The following N4BP2 variants were observed in gnomAD, a reference collection of about 807,000 sequenced individuals.
N4BP2 encodes the protein NEDD4 binding protein 2.
N4BP2 carries 91 observed loss-of-function variants against 152.8 expected under a neutral mutation model. That is an observed-to-expected ratio of 0.60 (90% CI 0.50 to 0.71). The LOEUF (loss-of-function observed/expected upper bound fraction) is 0.71, where lower values mean the gene tolerates loss of function less well. N4BP2 is among the 30% of genes least tolerant of loss of function. N4BP2 has a pLI of 0.00. For synonymous variants in N4BP2, 646 were observed against 705.3 expected, an observed-to-expected ratio of 0.92 and a Z score of 1.33; for missense variants, 1,923 against 2,059.1, an observed-to-expected ratio of 0.93 and a Z score of 1.28.
At chr4:40,159,628 T>TC (rs1416248705), downstream of N4BP2, among the ~76,000 whole-genome samples, 1 of 152,136 alleles carries the variant, frequency 6.6e-6, no homozygotes, top group East Asian at 1.9e-4. Context: ...TCTACTTACG[T>TC]CCTATTGACC....
chr4:40,090,180 T>G (rs956569093), intron 2 of N4BP2, among the ~76,000 whole-genome samples: 40 of 152,292 alleles, frequency 2.6e-4, no homozygotes, highest in African/African-American at 9.1e-4. Flanking sequence ...TAGTTTTGAT[T>G]AGTGTAGCCA....
At chr4:40,162,724 A>G (rs1009473794), downstream of N4BP2, among the ~76,000 whole-genome samples, 6 of 152,200 alleles carry the variant, frequency 3.9e-5, no homozygotes, top group African/African-American at 1.4e-4. Context: ...TGTATGTATT[A>G]GGGTTCTCCA....
intron 14 of N4BP2, among the ~76,000 whole-genome samples, chr4:40,141,370 C>T (rs6834460): frequency 0.29 from 42,920 of 146,524 alleles, 6,250 homozygotes; most frequent in South Asian, 0.48. Context: ...ACTTCTCAGA[C>T]GGGGCAGCCG....
At chr4:40,057,773 GT>G (rs3070962) in intron 1 of N4BP2, among the ~76,000 whole-genome samples, 20,833 of 150,252 alleles carry the variant, frequency 0.14, 1,916 homozygotes, top group East Asian at 0.45. Context: ...GGTTAAAATA[GT>G]TTTTTTTTTC....
the N4BP2 span, chr4:40,167,033 T>C: frequency 2.0e-5 from 3 of 152,252 alleles, no homozygotes; most frequent in African/African-American, 7.2e-5. Context: ...GAGTGAATTA[T>C]TCAGTGTACA....
intron 2 of N4BP2, among the ~76,000 whole-genome samples, chr4:40,082,131 T>C (rs1713437498): frequency 6.6e-6 from 1 of 151,492 alleles, no homozygotes; most frequent in East Asian, 1.9e-4. Context: ...ACAAAATAAA[T>C]TGGGTGTGGT....
chr4:40,117,825 A>G, intron 7 of N4BP2, 44 bp from the exon 8 acceptor site: 2 of 1,515,654 alleles, frequency 1.3e-6, no homozygotes, highest in Non-Finnish European at 1.8e-6. Context: ...TAAAAACTTA[A>G]TTATCAATAT....
intron 2 of N4BP2, among the ~76,000 whole-genome samples, chr4:40,080,459 T>C (rs938603546): frequency 1.3e-5 from 2 of 151,518 alleles, no homozygotes; most frequent in African/African-American, 4.8e-5. Context: ...GCAATTCCCC[T>C]GCCTCTGTCT....
At position 40,095,057 on chromosome 4, in the gene N4BP2, C is replaced by T. The variant is rs145109339; in HGVS notation, c.-114-2170C>T. 2.9e-3 allele frequency among the ~76,000 whole-genome samples: 444 copies of T among 150,946 alleles called. 6 individuals are homozygous for T. The highest frequency in any genetic ancestry group is 0.01 in the African/African-American group (419 of 41,136). ...GTCCAACGTGCTGGGATTACAGTCGCGAGCCCCTGAGTCTGGCCAGGGTTA... is the reference window on the plus strand; with the variant it reads ...GTCCAACGTGCTGGGATTACAGTCGTGAGCCCCTGAGTCTGGCCAGGGTTA... On this transcript the variant is annotated intron_variant, in intron 2 of 17. Coordinates refer to ENST00000261435, the MANE Select transcript of N4BP2 (RefSeq NM_018177.6).
chr4:40,066,089 C>T (rs369730527), intron 1 of N4BP2, among the ~76,000 whole-genome samples: 2 of 151,960 alleles, frequency 1.3e-5, no homozygotes, highest in East Asian at 1.9e-4. Context: ...CGCCACCACA[C>T]CCAGCTAATT....
chr4:40,146,164 AAAATAAAT>A (rs554299570), intron 16 of N4BP2, among the ~76,000 whole-genome samples: 3 of 151,760 alleles, frequency 2.0e-5, no homozygotes, highest in Non-Finnish European at 2.9e-5. Context: ...CTCTTTCTCA[AAAATAAAT>A]AAATAAATAA....
intron 13 of N4BP2, among the ~76,000 whole-genome samples, chr4:40,136,635 G>C (rs892347095): frequency 6.6e-6 from 1 of 152,102 alleles, no homozygotes; most frequent in Non-Finnish European, 1.5e-5. Flanking sequence ...TGATCCACCC[G>C]CCTCGGCCCC....
intron 2 of N4BP2, among the ~76,000 whole-genome samples, chr4:40,084,913 C>CT (rs569261971): frequency 0.022 from 2,607 of 120,984 alleles, 71 homozygotes; most frequent in African/African-American, 0.044. Flanking sequence ...CAGCGCCTGG[C>CT]TTTTTTTTTT....
At chr4:40,160,248 TG>T (rs1346696420), downstream of N4BP2, among the ~76,000 whole-genome samples, 1 of 152,230 alleles carries the variant, frequency 6.6e-6, no homozygotes, top group Admixed American at 6.5e-5. Flanking sequence ...AACATGTTTT[TG>T]GCATTGCTAC....
At chr4:40,158,517 G>A (rs1721766745), downstream of N4BP2, among the ~76,000 whole-genome samples, 1 of 152,092 alleles carries the variant, frequency 6.6e-6, no homozygotes, top group African/African-American at 2.4e-5. Flanking sequence ...TCTCTTAGAG[G>A]CCAGACGCGG....
At position 40,097,329 on chromosome 4, in the gene N4BP2, T is replaced by G. The variant is rs753465263; in HGVS notation, c.-12T>G. 4 of 1,607,598 alleles carry G rather than the reference T, an allele frequency of 2.5e-6. No homozygotes were observed. The highest frequency in any genetic ancestry group is 2.6e-6 in the Non-Finnish European group (3 of 1,174,754). ...CTAAGAAAAGGGAAACATTTTAGTT[T>G]TGGAAGTCAGAATGCCAAGGAGAAG... On this transcript the variant is annotated 5_prime_UTR_variant, in exon 3 of 18. Transcript: ENST00000261435.
Position 40,121,910 on chromosome 4 carries a change from A to G in N4BP2, c.3799A>G (p.Lys1267Glu), listed in dbSNP as rs753430123. The G allele has an allele frequency of 6.3e-7, 1 of 1,594,766 alleles. No individual in the cohort carries two copies. The highest frequency in any genetic ancestry group is 1.9e-5 in the Admixed American group (1 of 53,052). The change falls in exon 9 of 18, where the codon AAA (lysine) becomes GAA (glutamate). Residue 1267 changes from lysine (K) to glutamate (E), a missense_variant. Transcript: ENST00000261435. ...TTPKDMSETE[K>E]NLVVTETGDN... ...TCCTAAAGATATGAGTGAAACAGAA[A>G]AAAACCTAGTAGTCACAGAGACTGG...
chr4:40,118,405 C>G (rs1016923991), intron 8 of N4BP2, among the ~76,000 whole-genome samples: 5 of 152,036 alleles, frequency 3.3e-5, no homozygotes, highest in Admixed American at 3.3e-4. Flanking sequence ...GCATTCCACC[C>G]TGGGCAACAA....
At chr4:40,144,871 T>C in intron 16 of N4BP2, 71 bp downstream of exon 16, 1 of 1,258,040 alleles carries the variant, frequency 7.9e-7, no homozygotes, top group Non-Finnish European at 1.1e-6. Context: ...GCTTGCAAAT[T>C]CAGGAGAGTC....
Sources: allele counts gnomAD v4.1 joint callset (sites outside exome capture counted in the v4.1 genomes callset), GRCh38; gene constraint gnomAD v4.1.1; transcripts MANE v1.5; gene names NCBI Gene and HGNC (gene_info 2026-07-23, HGNC 2026-07-21).